COA8: variants seen among roughly 807,000 people sequenced by gnomAD.
COA8 encodes the protein cytochrome c oxidase assembly factor 8, also known as UPF0671 protein C14orf153.
COA8 carries 20 observed loss-of-function variants against 22.0 expected under a neutral mutation model. The ratio of observed to expected loss-of-function variants is 0.91; its 90% confidence interval spans 0.64 to 1.32. The LOEUF is 1.32. Ranked by LOEUF, COA8 falls within the 40% of genes most tolerant of loss-of-function variation. COA8 has a pLI of 0.00. For missense variants in COA8, 266 were observed against 230.0 expected, an observed-to-expected ratio of 1.16 and a Z score of -1.01; for synonymous variants, 105 against 79.9, an observed-to-expected ratio of 1.31 and a Z score of -1.68.
At chr14:103,587,836 T>C (rs2076320838) in intron 4 of COA8, among the ~76,000 whole-genome samples, 2 of 151,910 alleles carry the variant, frequency 1.3e-5, no homozygotes, top group South Asian at 4.1e-4. Context: ...GTGACTGCAG[T>C]GGCTTAAAAA....
At chr14:103,569,198 G>T (rs376151824) in intron 1 of COA8, among the ~76,000 whole-genome samples, 2 of 152,122 alleles carry the variant, frequency 1.3e-5, no homozygotes, top group African/African-American at 2.4e-5. Context: ...GTAATTATTC[G>T]CACTACAAAG....
intron 1 of COA8, among the ~76,000 whole-genome samples, chr14:103,569,950 A>G (rs796888940): frequency 1.3e-5 from 2 of 152,212 alleles, no homozygotes; most frequent in African/African-American, 4.8e-5. Flanking sequence ...TCTGCCTCCC[A>G]GGTTCAAGCA....
At chr14:103,588,498 A>G (rs1251950331) in intron 4 of COA8, among the ~76,000 whole-genome samples, 1 of 151,166 alleles carries the variant, frequency 6.6e-6, no homozygotes, top group Non-Finnish European at 1.5e-5. Flanking sequence ...TATATATATA[A>G]AACAGTTCCA....
chr14:103,562,986 C>T lies in COA8; in HGVS notation c.-16C>T, dbSNP rs890342505. 7 of 1,540,110 alleles carry T rather than the reference C, an allele frequency of 4.5e-6. No homozygotes were observed. Among genetic ancestry groups the T allele is most frequent in the Middle Eastern group, 1.9e-4 (1 of 5,186 alleles). On this transcript the variant is annotated 5_prime_UTR_variant, in exon 1 of 5. Transcript: ENST00000409074. Reference sequence around the variant, plus strand: ...CAATGCTGCCGTGCGCCGCGGGAGCCAGGGGGCGTGGGGCCATGGTGGTCT... The same window carrying T: ...CAATGCTGCCGTGCGCCGCGGGAGCTAGGGGGCGTGGGGCCATGGTGGTCT...
intron 3 of COA8, among the ~76,000 whole-genome samples, chr14:103,575,703 C>A (rs2076225284): frequency 6.6e-6 from 1 of 152,034 alleles, no homozygotes; most frequent in East Asian, 1.9e-4. Flanking sequence ...TTATTAATTT[C>A]TTTTTTTGTT....
intron 1 of COA8, among the ~76,000 whole-genome samples, chr14:103,568,601 GTA>G (rs200895984): frequency 0.012 from 1,468 of 123,800 alleles, 18 homozygotes; most frequent in Middle Eastern, 0.025. Context: ...ATATGTATAC[GTA>G]TATATATATG....
intron 3 of COA8, among the ~76,000 whole-genome samples, chr14:103,577,949 C>T (rs542636494): frequency 6.5e-4 from 97 of 148,252 alleles, no homozygotes; most frequent in Non-Finnish European, 3.1e-4. Flanking sequence ...GCTTGAACCC[C>T]GGAGGCGGAA....
rs745349308 is a variant in COA8, at chr14:103,587,311, C to T, written c.423C>T (p.Asp141=). Residue 141 remains aspartate (D), a synonymous_variant, in exon 4 of 5, where the codon GAC becomes GAT. Transcript: ENST00000409074. The part of the protein sequence containing the change: ...KATLNAEEMA[D]FYKEFLSKNF... ...CATTGAATGCAGAAGAAATGGCGGA[C>T]TTCTACAAGGAATTTTTAAGTAAAA... 1.5e-5 allele frequency: 25 copies of T among 1,613,296 alleles called. 1 individual carries two copies. The Admixed American group carries it at 4.0e-4, about 26-fold the overall frequency.
chr14:103,570,136 C>T (rs940293920), intron 1 of COA8, among the ~76,000 whole-genome samples: 3 of 151,988 alleles, frequency 2.0e-5, no homozygotes, highest in African/African-American at 7.3e-5. Context: ...GGATTACAGG[C>T]GTGAGCCACC....
intron 1 of COA8, among the ~76,000 whole-genome samples, chr14:103,568,062 G>A (rs1165533536): frequency 1.3e-5 from 2 of 152,140 alleles, no homozygotes; most frequent in Non-Finnish European, 2.9e-5. Flanking sequence ...TGAAGTTCCT[G>A]ACTCCTTCTC....
At chr14:103,585,213 T>C (rs1318685759) in intron 3 of COA8, among the ~76,000 whole-genome samples, 2 of 151,882 alleles carry the variant, frequency 1.3e-5, no homozygotes, top group East Asian at 3.9e-4. Flanking sequence ...GCGCGGTGGC[T>C]CACGCCTGTA....
chr14:103,571,511 C>T, intron 1 of COA8, 112 bp from the exon 2 acceptor site: 1 of 1,099,054 alleles, frequency 9.1e-7, no homozygotes, highest in Non-Finnish European at 1.3e-6. Context: ...ACACTCCAGT[C>T]TGGCAACAGA....
chr14:103,571,831 G>C lies in COA8; in HGVS notation c.321+11G>C. 1 of 1,612,232 alleles carries C rather than the reference G, an allele frequency of 6.2e-7. No individual in the cohort carries two copies. Among genetic ancestry groups the C allele is most frequent in the East Asian group, 2.2e-5 (1 of 44,860 alleles). On this transcript the variant is annotated intron_variant, in intron 2 of 4. Coordinates refer to ENST00000409074, the MANE Select transcript of COA8 (RefSeq NM_001370595.2). ...TTGACTTTTAGTAAGGTAAGTTTAAGTTTTAGATCAGAACGGAAGGGTGCG... is the reference window on the plus strand; with the variant it reads ...TTGACTTTTAGTAAGGTAAGTTTAACTTTTAGATCAGAACGGAAGGGTGCG...
At chr14:103,563,409 G>T in intron 1 of COA8, 1 of 570,706 alleles carries the variant, frequency 1.8e-6, no homozygotes, top group South Asian at 1.8e-5. Flanking sequence ...ATTTGTTCCC[G>T]AGAATGATTA....
At chr14:103,574,662 G>C (rs2076217517) in intron 3 of COA8, 1 of 349,274 alleles carries the variant, frequency 2.9e-6, no homozygotes, top group East Asian at 7.8e-5. Context: ...GGGCTAAAGT[G>C]CCATTCCTAC....
intron 1 of COA8, among the ~76,000 whole-genome samples, chr14:103,568,621 G>GTGTATATATATA (rs1232366571): frequency 9.2e-5 from 13 of 141,868 alleles, no homozygotes; most frequent in African/African-American, 3.5e-4. Context: ...ATGTGTGTGT[G>GTGTATATATATA]TATATATATA....
chr14:103,566,508 A>G (rs1183031416), intron 1 of COA8, among the ~76,000 whole-genome samples: 1 of 152,244 alleles, frequency 6.6e-6, no homozygotes, highest in Non-Finnish European at 1.5e-5. Context: ...CGTGTCCTGT[A>G]TTGTGGTGCT....
intron 1 of COA8, among the ~76,000 whole-genome samples, chr14:103,570,899 G>T (rs563690848): frequency 1.3e-5 from 2 of 152,290 alleles, no homozygotes; most frequent in African/African-American, 4.8e-5. Context: ...ATTGGTCTGG[G>T]TGCAATCACA....
chr14:103,585,306 C>T (rs60802358), intron 3 of COA8, among the ~76,000 whole-genome samples: 44,211 of 151,040 alleles, frequency 0.29, 6,780 homozygotes, highest in Middle Eastern at 0.36. Context: ...TGGAGAAACC[C>T]GTCTCTACTA....
Sources: gnomAD v4.1 joint callset for allele counts (sites outside exome capture counted in the v4.1 genomes callset) on GRCh38, gnomAD v4.1.1 for gene constraint, MANE v1.5 for transcripts, NCBI Gene and HGNC (gene_info 2026-07-23, HGNC 2026-07-21) for gene names.